Variants in UVSSA observed in about 807,000 individuals in gnomAD.
UVSSA encodes the protein UV-stimulated scaffold protein A.
UVSSA carries 72 observed loss-of-function variants against 73.9 expected under a neutral mutation model. The ratio of observed to expected loss-of-function variants is 0.97; its 90% CI spans 0.81 to 1.19. The LOEUF is 1.19. Ranked by LOEUF, UVSSA falls within the 50% of genes most tolerant of loss-of-function variation. The pLI, the probability that UVSSA is intolerant of heterozygous loss-of-function variation, is 0.00. For synonymous variants in UVSSA, 454 were observed against 391.3 expected, an observed-to-expected ratio of 1.16 and a Z score of -1.89; for missense variants, 1,150 against 965.0, an observed-to-expected ratio of 1.19 and a Z score of -2.54.
At position 1,354,561 on chromosome 4, in the gene UVSSA, A is replaced by T. The variant is rs565971474; in HGVS notation, c.935-174A>T. The T allele has an allele frequency of 4.3e-5, 26 of 609,186 alleles. 1 individual carries two copies. The South Asian group carries it at 5.0e-4, about 12-fold the overall frequency. 37.7% of individuals were successfully genotyped at this position (609,186 alleles called of 1,614,324 possible). ...TTAAGCCACAGTGTTCTTTTCTAAG[A>T]TAATAAAACACTTCCTTCTCACAGC... On this transcript the variant is annotated intron_variant, in intron 5 of 13. Transcript: ENST00000389851.
intron 12 of UVSSA, 101 bp downstream of exon 12, chr4:1,381,089 C>A: frequency 9.3e-7 from 1 of 1,078,292 alleles, no homozygotes; most frequent in Non-Finnish European, 1.3e-6. Context: ...ACCCGCTCTG[C>A]CAGCTTCGTC....
intron 8 of UVSSA, among the ~76,000 whole-genome samples, chr4:1,368,705 CTCACCCGTAGGCTG>C: frequency 6.6e-6 from 1 of 152,388 alleles, no homozygotes; most frequent in Non-Finnish European, 1.5e-5. Flanking sequence ...CCGGCTAAGC[CTCACCCGTAGGCTG>C]TCCCAGCCTG....
intron 3 of UVSSA, among the ~76,000 whole-genome samples, chr4:1,350,469 C>G (rs903026759): frequency 1.3e-5 from 2 of 152,224 alleles, no homozygotes; most frequent in African/African-American, 4.8e-5. Context: ...TTGTTTCAGA[C>G]TCCTGGGTCC....
chr4:1,359,332 T>C (rs905288002), intron 7 of UVSSA: 1 of 152,216 alleles, frequency 6.6e-6, no homozygotes, highest in Non-Finnish European at 1.5e-5. Context: ...TTTGGTAGAT[T>C]GCGTGTCCAG....
chr4:1,359,944 C>G (rs1716380522), intron 7 of UVSSA, among the ~76,000 whole-genome samples: 1 of 152,228 alleles, frequency 6.6e-6, no homozygotes, highest in African/African-American at 2.4e-5. Flanking sequence ...CTGTGATGCT[C>G]TGGAGCCATG....
At chr4:1,353,479 A>C in intron 5 of UVSSA, 66 bp downstream of exon 5, 1 of 1,423,724 alleles carries the variant, frequency 7.0e-7, no homozygotes, top group Non-Finnish European at 9.2e-7. Flanking sequence ...CTCCTCCCTC[A>C]CTGGCACCCG....
Position 1,348,162 on chromosome 4 carries a change from A to C in UVSSA, c.71A>C (p.Lys24Thr). Residue 24 changes from lysine (K) to threonine (T), a missense_variant, in exon 2 of 14, where the codon AAA becomes ACA. Transcript: ENST00000389851. ...GGAGAACCCCGACTAAATCCTGAGA[A>C]AATGAAGGAACTGAAGAAAATTTGC... The part of the protein sequence containing the change: ...TSGEPRLNPE[K>T]MKELKKICKS... The C allele has an allele frequency of 6.2e-7, 1 of 1,613,968 alleles. No individual in the cohort carries two copies. The highest frequency in any genetic ancestry group is 8.5e-7 in the Non-Finnish European group (1 of 1,179,990).
chr4:1,360,074 G>C (rs529227683), intron 7 of UVSSA, among the ~76,000 whole-genome samples: 7 of 152,234 alleles, frequency 4.6e-5, no homozygotes, highest in Admixed American at 2.6e-4. Context: ...GGGAAACCTT[G>C]TACCGCCCTA....
intron 7 of UVSSA, among the ~76,000 whole-genome samples, chr4:1,360,630 C>T (rs577209213): frequency 3.3e-5 from 5 of 152,324 alleles, no homozygotes; most frequent in African/African-American, 1.2e-4. Flanking sequence ...GCTGCACTCT[C>T]CTTCCCTGAG....
intron 6 of UVSSA, 45 bp from the exon 7 acceptor site, chr4:1,355,072 T>A (rs753020808): frequency 6.2e-7 from 1 of 1,603,888 alleles, no homozygotes; most frequent in Non-Finnish European, 8.5e-7. Flanking sequence ...GCTTCCCAGG[T>A]CCTGCCCGGC....
Position 1,387,302 on chromosome 4 carries a change from T to C in UVSSA, c.*1341T>C, listed in dbSNP as rs1347765748. The C allele has an allele frequency of 2.0e-5, 3 of 152,160 alleles. No individual in the cohort carries two copies. Among genetic ancestry groups the C allele is most frequent in the Non-Finnish European group, 2.9e-5 (2 of 68,064 alleles). 9.4% of individuals were successfully genotyped at this position (152,160 alleles called of 1,614,324 possible). ...TGTGTTGGCTGGGATGGTCTTGATC[T>C]CTTGACCTCGTGATCCACCCACCTC... On this transcript the variant is annotated 3_prime_UTR_variant, in exon 14 of 14. Transcript: ENST00000389851.
In UVSSA at chr4:1,394,758, A is replaced by C. The variant is rs776147238; in HGVS notation, c.*8797A>C. 5 of 1,545,862 alleles carry C rather than the reference A, an allele frequency of 3.2e-6. No homozygotes were observed. In the African/African-American group the frequency reaches 6.2e-5, roughly 19 times the overall value. ...CCCACCTGCTCATGTGCCCATGTGG[A>C]GTGCCCACCTGCTCACATGTGCCGA... On this transcript the variant is annotated 3_prime_UTR_variant, in exon 14 of 14. Transcript: ENST00000511216.
At chr4:1,349,061 C>CCGGGCGGTGTACG (rs1714225579) in intron 2 of UVSSA, among the ~76,000 whole-genome samples, 2 of 137,802 alleles carry the variant, frequency 1.5e-5, no homozygotes, top group African/African-American at 5.5e-5. Context: ...GGGCGGTTGG[C>CCGGGCGGTGTACG]GTTTGTGCCG....
At chr4:1,359,893 G>A (rs1403416345) in intron 7 of UVSSA, among the ~76,000 whole-genome samples, 1 of 152,200 alleles carries the variant, frequency 6.6e-6, no homozygotes. Context: ...CTGGGATCGA[G>A]GCCCCACCTC....
Position 1,368,890 on chromosome 4 carries a change from C to G in UVSSA, c.1288+2459C>G, listed in dbSNP as rs77806774. On this transcript the variant is annotated intron_variant, in intron 8 of 13. Coordinates refer to ENST00000389851, the MANE Select transcript of UVSSA (RefSeq NM_020894.4). ...TCGCTGCAGCCGCAGGTCCCCACAGCGCCCTCCTCTGCTGGCTCCAAGCCT... is the reference window on the plus strand; with the variant it reads ...TCGCTGCAGCCGCAGGTCCCCACAGGGCCCTCCTCTGCTGGCTCCAAGCCT... 5.5e-3 allele frequency among the ~76,000 whole-genome samples: 841 copies of G among 152,328 alleles called. 1 individual carries two copies. Among genetic ancestry groups the G allele is most frequent in the Non-Finnish European group, 9.0e-3 (613 of 68,034 alleles).
In UVSSA at chr4:1,351,046, C is replaced by T. The variant is rs576137276; in HGVS notation, c.430-669C>T. Among the ~76,000 whole-genome samples, 4 of 152,170 alleles carry T rather than the reference C, an allele frequency of 2.6e-5. No individual in the cohort carries two copies. The East Asian group carries it at 7.7e-4, about 29-fold the overall frequency. On this transcript the variant is annotated intron_variant, in intron 3 of 13. Transcript: ENST00000389851. The stretch of plus-strand genomic sequence containing the variant: ...TCAGCCTCCCAAGTAGCTGGGACTA[C>T]AGGCACACGCCACCACACCTGGCTA...
upstream of UVSSA, among the ~76,000 whole-genome samples, chr4:1,345,855 C>T (rs979605941): frequency 3.9e-5 from 6 of 152,012 alleles, no homozygotes; most frequent in African/African-American, 1.5e-4. Context: ...CCCTTTTATA[C>T]TAATGAGAAC....
chr4:1,359,008 G>C (rs537451242), intron 7 of UVSSA: 1 of 152,364 alleles, frequency 6.6e-6, no homozygotes, highest in South Asian at 2.1e-4. Context: ...TCGTGCTGAG[G>C]CTCTCCTCGG....
chr4:1,358,444 C>T (rs1716119147), intron 7 of UVSSA: 1 of 152,314 alleles, frequency 6.6e-6, no homozygotes, highest in African/African-American at 2.4e-5. Flanking sequence ...CTAGACTCTT[C>T]TCCGCAAACT....
Sources: allele counts gnomAD v4.1 joint callset (sites outside exome capture counted in the v4.1 genomes callset), GRCh38; gene constraint gnomAD v4.1.1; transcripts MANE v1.5; gene names NCBI Gene and HGNC (gene_info 2026-07-23, HGNC 2026-07-21).